LGALS2: variants seen among roughly 807,000 people sequenced by gnomAD.
The protein encoded by LGALS2 is galectin 2.
In LGALS2, 7 loss-of-function variants were observed where a neutral mutation model predicts 10.1. The ratio of observed to expected loss-of-function variants is 0.70; its 90% CI spans 0.40 to 1.31. The LOEUF (loss-of-function observed/expected upper bound fraction) is 1.31, where lower values mean the gene tolerates loss of function less well. Ranked by LOEUF, LGALS2 falls within the 50% of genes most tolerant of loss-of-function variation. The pLI, the probability that LGALS2 is intolerant of heterozygous loss-of-function variation, is 0.01. For synonymous variants in LGALS2, 86 were observed against 64.2 expected, an observed-to-expected ratio of 1.34 and a Z score of -1.63; for missense variants, 167 against 163.6, an observed-to-expected ratio of 1.02 and a Z score of -0.11.
Position 37,580,030 on chromosome 22 carries a change from T to C in LGALS2, c.-125A>G. ...CTCCCTCAAGGTCCTAGGTGAGGAC[T>C]TTGCCCCTTCTACCTTGTGTCTCCC... On this transcript the variant is annotated 5_prime_UTR_variant, in exon 1 of 4. Transcript: ENST00000215886. 1.0e-6 allele frequency: 1 copy of C among 957,034 alleles called. No individual in the cohort carries two copies. The highest frequency in any genetic ancestry group is 1.6e-6 in the Non-Finnish European group (1 of 641,802). 59.3% of individuals were successfully genotyped at this position (957,034 alleles called of 1,614,324 possible).
intron 1 of LGALS2, among the ~76,000 whole-genome samples, chr22:37,572,639 T>C (rs188038754): frequency 0.13 from 19,442 of 151,558 alleles, 3,333 homozygotes; most frequent in African/African-American, 0.4. Context: ...TGGTGGCAGG[T>C]GCCTGTAGTC....
At chr22:37,570,523 T>C (rs1049628828) in intron 3 of LGALS2, 53 bp downstream of exon 3, 14 of 1,611,414 alleles carry the variant, frequency 8.7e-6, no homozygotes, top group Non-Finnish European at 1.1e-5. Context: ...CTCTCTTCCA[T>C]CTGGGCCCTC....
At chr22:37,574,743 GC>G (rs1925616335) in intron 1 of LGALS2, among the ~76,000 whole-genome samples, 1 of 152,090 alleles carries the variant, frequency 6.6e-6, no homozygotes, top group Non-Finnish European at 1.5e-5. Context: ...GGGGGCAGTG[GC>G]CATGGGAGGA....
chr22:37,577,184 A>C (rs528183630), intron 1 of LGALS2, among the ~76,000 whole-genome samples: 2 of 152,212 alleles, frequency 1.3e-5, no homozygotes, highest in South Asian at 4.2e-4. Context: ...AGGAAAGAGA[A>C]GGTGGGGAGA....
rs568328116 is a variant in LGALS2 at position 37,572,539 on chromosome 22, G to A, written c.7-608C>T. Among the ~76,000 whole-genome samples, 19 of 151,998 alleles carry A rather than the reference G, an allele frequency of 1.3e-4. 1 individual carries two copies. The highest frequency in any genetic ancestry group is 4.3e-4 in the African/African-American group (18 of 41,448). On this transcript the variant is annotated intron_variant, in intron 1 of 3. Coordinates refer to ENST00000215886, the MANE Select transcript of LGALS2 (RefSeq NM_006498.3). ...CCCAACACTTTTGGGAGGCCGAGGC[G>A]GGCGGATCACGAGGTCAGGAGATCG... is the stretch of plus-strand genomic sequence containing the variant.
At chr22:37,578,449 C>T (rs1249762883) in intron 1 of LGALS2, among the ~76,000 whole-genome samples, 1 of 152,102 alleles carries the variant, frequency 6.6e-6, no homozygotes, top group Non-Finnish European at 1.5e-5. Context: ...TAAGGCAAAG[C>T]GTAGTGGCAT....
chr22:37,578,353 G>A (rs1408705284), intron 1 of LGALS2, among the ~76,000 whole-genome samples: 5 of 152,064 alleles, frequency 3.3e-5, no homozygotes, highest in South Asian at 2.1e-4. Context: ...GTGCAATTAC[G>A]GCTCACTGTA....
chr22:37,573,352 A>G (rs964995464), intron 1 of LGALS2, among the ~76,000 whole-genome samples: 1 of 152,224 alleles, frequency 6.6e-6, no homozygotes, highest in Non-Finnish European at 1.5e-5. Flanking sequence ...TCTCTCTCCA[A>G]GCCTCACTTT....
In LGALS2 at chr22:37,579,880, C is replaced by G; in HGVS notation, c.6+20G>C. The G allele has an allele frequency of 1.9e-6, 3 of 1,608,016 alleles. 1 individual carries two copies. The highest frequency in any genetic ancestry group is 2.2e-5 in the South Asian group (2 of 89,118). On this transcript the variant is annotated intron_variant, in intron 1 of 3. Coordinates refer to ENST00000215886, the MANE Select transcript of LGALS2 (RefSeq NM_006498.3). ...AAGATGAACAGAGTGGGGCAGGCAGCAGGGGGCTAGTGTCCTCACCGTCAT... is the reference window on the plus strand; with the variant it reads ...AAGATGAACAGAGTGGGGCAGGCAGGAGGGGGCTAGTGTCCTCACCGTCAT...
At chr22:37,576,254 C>T (rs1352415580) in intron 1 of LGALS2, among the ~76,000 whole-genome samples, 1 of 151,972 alleles carries the variant, frequency 6.6e-6, no homozygotes, top group African/African-American at 2.4e-5. Flanking sequence ...AGAGTGAGAT[C>T]ATCCTGGCTA....
At chr22:37,575,070 G>T (rs1925630636) in intron 1 of LGALS2, among the ~76,000 whole-genome samples, 1 of 151,906 alleles carries the variant, frequency 6.6e-6, no homozygotes, top group Non-Finnish European at 1.5e-5. Context: ...ATTTTTAGTA[G>T]AGACGGGGTT....
rs1925477297 is a variant in LGALS2, at chr22:37,570,853, C to T, written c.90-118G>A. 15 of 1,156,416 alleles carry T rather than the reference C, an allele frequency of 1.3e-5. 1 individual carries two copies. The South Asian group carries it at 1.8e-4, about 14-fold the overall frequency. 71.6% of individuals were successfully genotyped at this position (1,156,416 alleles called of 1,614,324 possible). A position where few individuals can be genotyped will look rare whatever the true frequency, so the allele number is the denominator to read the frequency against. On this transcript the variant is annotated intron_variant, in intron 2 of 3. Transcript: ENST00000215886. Reference sequence around the variant, plus strand: ...AATCAAAGCTTGTGTTAGTTGAGATCTGTGCCTTAAAACAAGGGAGGTAAC... The same window carrying T: ...AATCAAAGCTTGTGTTAGTTGAGATTTGTGCCTTAAAACAAGGGAGGTAAC...
intron 1 of LGALS2, among the ~76,000 whole-genome samples, chr22:37,576,279 T>C (rs5750452): frequency 0.81 from 123,278 of 151,482 alleles, 51,875 homozygotes; most frequent in Non-Finnish European, 0.92. Context: ...GGTGAAACCC[T>C]GTCTCTACTA....
At position 37,572,803 on chromosome 22, in the gene LGALS2, TA is replaced by T. The variant is rs371554641; in HGVS notation, c.7-873del. Among the ~76,000 whole-genome samples, 11 of 106,952 alleles carry T rather than the reference TA, an allele frequency of 1.0e-4. No homozygotes were observed. The East Asian group carries it at 1.2e-3, about 11-fold the overall frequency. The allele number at this position is 106,952 out of a possible 152,430, so 70.2% of individuals were successfully genotyped here. A position where few individuals can be genotyped will look rare whatever the true frequency, so the allele number is the denominator to read the frequency against. ...TAATAATAATAATAATAATAATAAA[TA>T]AAATAAAATAAAATAAATTATCTGC... On this transcript the variant is annotated intron_variant, in intron 1 of 3. Transcript: ENST00000215886.
intron 1 of LGALS2, among the ~76,000 whole-genome samples, chr22:37,574,028 T>C (rs2145820680): frequency 6.6e-6 from 1 of 152,074 alleles, no homozygotes; most frequent in Non-Finnish European, 1.5e-5. Flanking sequence ...CCAGCCTTAA[T>C]TTTCTTTTTT....
At chr22:37,574,470 T>A (rs1925605037) in intron 1 of LGALS2, among the ~76,000 whole-genome samples, 1 of 146,268 alleles carries the variant, frequency 6.8e-6, no homozygotes. Context: ...GAGCCGAGAT[T>A]GTGCCAGGCG....
chr22:37,572,413 C>T (rs924871925), intron 1 of LGALS2, among the ~76,000 whole-genome samples: 1 of 151,948 alleles, frequency 6.6e-6, no homozygotes, highest in Non-Finnish European at 1.5e-5. Context: ...GGGCTGATCA[C>T]CTGAGGTCAG....
chr22:37,579,247 CAAAA>C (rs111697536), intron 1 of LGALS2, among the ~76,000 whole-genome samples: 4 of 33,578 alleles, frequency 1.2e-4, no homozygotes, highest in South Asian at 2.5e-3. Context: ...GACTCCATCT[CAAAA>C]AAAAAAAAAA....
Position 37,570,573 on chromosome 22 carries a change from C to A in LGALS2, c.249+3G>T. The A allele has an allele frequency of 6.2e-7, 1 of 1,614,256 alleles. No individual in the cohort carries two copies. Among genetic ancestry groups the A allele is most frequent in the Non-Finnish European group, 8.5e-7 (1 of 1,180,044 alleles). On this transcript the variant is annotated splice_donor_region_variant and intron_variant, in intron 3 of 3. Transcript: ENST00000215886. ...CCAGTGCCCTTTCCCCCTTTGACCT[C>A]ACCTTGACCTCTGACCCTGGGCTGA...
Sources: allele counts gnomAD v4.1 joint callset (sites outside exome capture counted in the v4.1 genomes callset), GRCh38; gene constraint gnomAD v4.1.1; transcripts MANE v1.5; gene names NCBI Gene and HGNC (gene_info 2026-07-23, HGNC 2026-07-21).